Variants in TTC39B observed in about 807,000 individuals in gnomAD.
The protein encoded by TTC39B is tetratricopeptide repeat protein 39B.
A neutral mutation model predicts 96.6 loss-of-function variants in TTC39B; 92 were observed. That is an observed-to-expected ratio of 0.95 (90% CI 0.80 to 1.13). The LOEUF is 1.13. Among genes scored for constraint, TTC39B ranks in the 50% most tolerant of loss-of-function variants. The pLI is 0.00. For synonymous variants in TTC39B, 367 were observed against 299.4 expected, an observed-to-expected ratio of 1.23 and a Z score of -2.33; for missense variants, 955 against 809.3, an observed-to-expected ratio of 1.18 and a Z score of -2.18.
chr9:15,294,333 C>T (rs17327373), intron 1 of TTC39B, among the ~76,000 whole-genome samples: 38,338 of 152,038 alleles, frequency 0.25, 5,233 homozygotes, highest in Admixed American at 0.3. Context: ...TAGCCTCTTA[C>T]GTTCAGTAAC....
chr9:15,297,347 G>A (rs772333239), intron 1 of TTC39B, among the ~76,000 whole-genome samples: 2 of 152,114 alleles, frequency 1.3e-5, no homozygotes, highest in Non-Finnish European at 2.9e-5. Context: ...CCTTCGTGTC[G>A]CCTATGAGGA....
intron 2 of TTC39B, among the ~76,000 whole-genome samples, chr9:15,239,047 G>C (rs188195696): frequency 5.3e-5 from 8 of 152,006 alleles, no homozygotes; most frequent in South Asian, 2.1e-4. Context: ...GAATCTACAA[G>C]GAACTCAAAC....
chr9:15,229,761 G>C (rs1330627327), intron 2 of TTC39B, among the ~76,000 whole-genome samples: 1 of 152,176 alleles, frequency 6.6e-6, no homozygotes, highest in Admixed American at 6.5e-5. Flanking sequence ...CTCTGCACTA[G>C]TCACACCGTT....
intron 1 of TTC39B, among the ~76,000 whole-genome samples, chr9:15,290,404 G>C (rs1001829): frequency 0.32 from 48,269 of 152,032 alleles, 8,089 homozygotes; most frequent in South Asian, 0.42. Flanking sequence ...TATCTCCCCA[G>C]GTGGTCTCCT....
At chr9:15,298,398 T>A (rs192520356) in intron 1 of TTC39B, among the ~76,000 whole-genome samples, 96 of 152,268 alleles carry the variant, frequency 6.3e-4, no homozygotes, top group East Asian at 1.3e-3. Flanking sequence ...CAAGACTGCA[T>A]AATTTATAAA....
chr9:15,280,099 T>C (rs140525214), intron 1 of TTC39B, among the ~76,000 whole-genome samples: 58 of 152,216 alleles, frequency 3.8e-4, no homozygotes, highest in Middle Eastern at 3.4e-3. Context: ...GGTTTTGCCA[T>C]GTTGGCCTGG....
chr9:15,196,167 C>A (rs1819155007), intron 8 of TTC39B, among the ~76,000 whole-genome samples: 1 of 152,216 alleles, frequency 6.6e-6, no homozygotes, highest in Non-Finnish European at 1.5e-5. Flanking sequence ...CACCTAGTCA[C>A]CTAAGAGTTC....
At chr9:15,294,660 T>C (rs1196073437) in intron 1 of TTC39B, among the ~76,000 whole-genome samples, 2 of 152,148 alleles carry the variant, frequency 1.3e-5, no homozygotes, top group South Asian at 2.1e-4. Flanking sequence ...GGTGGGAGGA[T>C]GTAAACTTGA....
intron 2 of TTC39B, among the ~76,000 whole-genome samples, chr9:15,247,941 T>C (rs1822357072): frequency 1.3e-5 from 2 of 152,282 alleles, no homozygotes; most frequent in African/African-American, 4.8e-5. Context: ...TGCCAACTTT[T>C]AGCATGATGG....
At chr9:15,292,639 C>T (rs1824231007) in intron 1 of TTC39B, among the ~76,000 whole-genome samples, 1 of 152,086 alleles carries the variant, frequency 6.6e-6, no homozygotes, top group Admixed American at 6.6e-5. Context: ...ATGTTACTGC[C>T]CCTGAAGACT....
rs1215450908 is a variant in TTC39B at position 15,306,266 on chromosome 9, T to C, written c.240+818A>G. Among the ~76,000 whole-genome samples, 1 of 152,222 alleles carries C rather than the reference T, an allele frequency of 6.6e-6. No individual in the cohort carries two copies. The highest frequency in any genetic ancestry group is 6.5e-5 in the Admixed American group (1 of 15,284). Reference sequence around the variant, plus strand: ...GCAGGGAGAGCGCTGTCTCTGGAGTTGCCAGGTGCTGAAATGAATAGTCAA... The same window carrying C: ...GCAGGGAGAGCGCTGTCTCTGGAGTCGCCAGGTGCTGAAATGAATAGTCAA... On this transcript the variant is annotated intron_variant, in intron 1 of 19. Coordinates refer to ENST00000512701, the Ensembl canonical transcript of TTC39B. The surrounding 1 kb of genome is among the most constrained non-coding windows in gnomAD (Gnocchi z 5.1).
chr9:15,200,733 G>T (rs1332927619), intron 7 of TTC39B, among the ~76,000 whole-genome samples: 1 of 152,238 alleles, frequency 6.6e-6, no homozygotes, highest in African/African-American at 2.4e-5. Flanking sequence ...GGGCGTGGTG[G>T]CTCACGCCTA....
At chr9:15,283,379 A>C (rs1823838718) in intron 1 of TTC39B, among the ~76,000 whole-genome samples, 1 of 152,242 alleles carries the variant, frequency 6.6e-6, no homozygotes, top group Admixed American at 6.5e-5. Context: ...ATGTCTGTAC[A>C]CCAAGCATTA....
At chr9:15,271,821 T>C (rs1269067976) in intron 1 of TTC39B, among the ~76,000 whole-genome samples, 4 of 152,238 alleles carry the variant, frequency 2.6e-5, no homozygotes, top group Non-Finnish European at 5.9e-5. Context: ...ATTTACCATT[T>C]CACTGGTTTC....
intron 1 of TTC39B, among the ~76,000 whole-genome samples, chr9:15,276,717 C>A (rs1318899677): frequency 6.6e-6 from 1 of 152,216 alleles, no homozygotes; most frequent in African/African-American, 2.4e-5. Flanking sequence ...CTGTCTGGGA[C>A]TGAATCCTGG....
intron 7 of TTC39B, among the ~76,000 whole-genome samples, chr9:15,201,757 C>A (rs745646375): frequency 6.6e-6 from 1 of 151,994 alleles, no homozygotes; most frequent in Non-Finnish European, 1.5e-5. Flanking sequence ...CTGTAAGGTG[C>A]GGGGGGCGGG....
intron 17 of TTC39B, among the ~76,000 whole-genome samples, chr9:15,181,269 G>C (rs1429848387): frequency 2.0e-5 from 3 of 152,086 alleles, no homozygotes; most frequent in Non-Finnish European, 4.4e-5. Flanking sequence ...ACCATGTTTA[G>C]CATCACAGAA....
At chr9:15,290,986 G>C (rs893481898) in intron 1 of TTC39B, among the ~76,000 whole-genome samples, 2 of 152,188 alleles carry the variant, frequency 1.3e-5, no homozygotes, top group Non-Finnish European at 2.9e-5. Flanking sequence ...CCTTAATAAA[G>C]CTGGGCGTGT....
chr9:15,289,496 G>A (rs1824101955), intron 1 of TTC39B, among the ~76,000 whole-genome samples: 2 of 152,220 alleles, frequency 1.3e-5, no homozygotes, highest in South Asian at 4.1e-4. Context: ...GCTTGGTCAG[G>A]AGACTGAAGC....
Sources: gnomAD v4.1 joint callset for allele counts (sites outside exome capture counted in the v4.1 genomes callset) on GRCh38, gnomAD v4.1.1 for gene constraint, Gnocchi (gnomAD v3.1) non-coding constraint, MANE v1.5 for transcripts, NCBI Gene and HGNC (gene_info 2026-07-23, HGNC 2026-07-21) for gene names.